DOC2B: variants seen among roughly 807,000 people sequenced by gnomAD.
DOC2B encodes the protein double C2-like domain-containing protein beta.
DOC2B carries 21 observed loss-of-function variants against 28.9 expected under a neutral mutation model. That is an observed-to-expected ratio of 0.73 (90% CI 0.52 to 1.05). The LOEUF (loss-of-function observed/expected upper bound fraction) is 1.05. Among genes scored for constraint, DOC2B ranks in the 50% least tolerant of loss-of-function variants. The probability of loss-of-function intolerance (pLI) is 0.00; values close to 1 mark genes in which losing one functional copy is unlikely to be tolerated. For missense variants in DOC2B, 384 were observed against 421.1 expected (o/e 0.91, Z 0.77); for synonymous variants, 194 against 178.1 (o/e 1.09, Z -0.71).
rs1442078831 is a variant in DOC2B at position 143,818 on chromosome 17, T to C, written c.*3623A>G. ...CAAAACTTGTCTGTGGGACTGCAGT[T>C]TGAGGACAGTGTCTGCAGCCGTCAC... On this transcript the variant is annotated 3_prime_UTR_variant, in exon 9 of 9. Coordinates refer to ENST00000613549, the MANE Select transcript of DOC2B (RefSeq NM_003585.5). The C allele has an allele frequency of 6.6e-6, 1 of 152,042 alleles. No homozygotes were observed. Among genetic ancestry groups the C allele is most frequent in the Non-Finnish European group, 1.5e-5 (1 of 67,988 alleles). 9.4% of individuals were successfully genotyped at this position (152,042 alleles called of 1,614,324 possible). A position where few individuals can be genotyped will look rare whatever the true frequency, so the allele number is the denominator to read the frequency against.
chr17:158,773 A>G (rs1555522879), intron 5 of DOC2B, among the ~76,000 whole-genome samples: 1 of 152,202 alleles, frequency 6.6e-6, no homozygotes, highest in Non-Finnish European at 1.5e-5. Flanking sequence ...GGCCAGGCAC[A>G]GTGACTCATG....
chr17:144,000 C>G lies in DOC2B; in HGVS notation c.*3441G>C. 1 of 150,564 alleles carries G rather than the reference C, an allele frequency of 6.6e-6. No individual in the cohort carries two copies. The highest frequency in any genetic ancestry group is 1.5e-5 in the Non-Finnish European group (1 of 67,504). 9.3% of individuals were successfully genotyped at this position (150,564 alleles called of 1,614,324 possible). On this transcript the variant is annotated 3_prime_UTR_variant, in exon 9 of 9. Transcript: ENST00000613549. ...GGACGGGCCGGGGCGCAGTTCCCCG[C>G]GCTCGCCACTAGAGGTCAGGAGGTG...
chr17:158,935 T>C (rs1395299905), intron 5 of DOC2B, among the ~76,000 whole-genome samples: 2 of 148,926 alleles, frequency 1.3e-5, no homozygotes, highest in African/African-American at 4.9e-5. Context: ...ATCCCAGCTA[T>C]TGGGAGGCTG....
intron 2 of DOC2B, among the ~76,000 whole-genome samples, chr17:169,763 A>G (rs993262089): frequency 4.6e-5 from 7 of 151,776 alleles, no homozygotes; most frequent in Admixed American, 1.3e-4. Context: ...GCCCTCCTTC[A>G]GCTCACCCAC....
intron 7 of DOC2B, among the ~76,000 whole-genome samples, chr17:148,580 T>C (rs909350810): frequency 5.3e-5 from 8 of 152,050 alleles, no homozygotes; most frequent in African/African-American, 1.7e-4. Flanking sequence ...GGGCCTGGCT[T>C]TGCTGACCCC....
intron 2 of DOC2B, among the ~76,000 whole-genome samples, chr17:170,595 T>C (rs2040300740): frequency 6.6e-6 from 1 of 152,118 alleles, no homozygotes; most frequent in African/African-American, 2.4e-5. Flanking sequence ...TACATGGCAC[T>C]ACTAGGGAGA....
chr17:147,142 C>G lies in DOC2B; in HGVS notation c.*299G>C, dbSNP rs2151456629. On this transcript the variant is annotated 3_prime_UTR_variant, in exon 9 of 9. Coordinates refer to ENST00000613549, the MANE Select transcript of DOC2B (RefSeq NM_003585.5). ...AGCCGGGGCTGGCCTCTAGAAGGGT[C>G]TTTGCTCCCAGATGGGCGTGTCCCC... 1 of 304,954 alleles carries G rather than the reference C, an allele frequency of 3.3e-6. No homozygotes were observed. The highest frequency in any genetic ancestry group is 6.0e-6 in the Non-Finnish European group (1 of 166,898). 18.9% of individuals were successfully genotyped at this position (304,954 alleles called of 1,614,324 possible).
intron 2 of DOC2B, among the ~76,000 whole-genome samples, chr17:166,050 G>A (rs1436323871): frequency 6.6e-6 from 1 of 152,146 alleles, no homozygotes; most frequent in Admixed American, 6.5e-5. Context: ...GGGTCGAGGG[G>A]CGCTGTCATG....
chr17:160,201 C>T (rs971671793), intron 5 of DOC2B, among the ~76,000 whole-genome samples: 60 of 152,116 alleles, frequency 3.9e-4, no homozygotes, highest in African/African-American at 1.4e-3. Flanking sequence ...GCCAGGCTCT[C>T]TCGAACTCTT....
rs918488821 is a variant in DOC2B, at chr17:143,979, G to C, written c.*3462C>G. On this transcript the variant is annotated 3_prime_UTR_variant, in exon 9 of 9. Transcript: ENST00000613549. Reference sequence around the variant, plus strand: ...CACGGCCCGGGCTCGGCGGGCGGACGGGCCGGGGCGCAGTTCCCCGCGCTC... The same window carrying C: ...CACGGCCCGGGCTCGGCGGGCGGACCGGCCGGGGCGCAGTTCCCCGCGCTC... The C allele has an allele frequency of 1.3e-5, 2 of 152,236 alleles. No homozygotes were observed. The highest frequency in any genetic ancestry group is 2.9e-5 in the Non-Finnish European group (2 of 67,868). The allele number at this position is 152,236 out of a possible 1,614,324, so 9.4% of individuals were successfully genotyped here. A position where few individuals can be genotyped will look rare whatever the true frequency, so the allele number is the denominator to read the frequency against.
chr17:149,032 C>T (rs2040044930), intron 7 of DOC2B, 79 bp downstream of exon 7: 2 of 397,884 alleles, frequency 5.0e-6, no homozygotes, highest in Admixed American at 4.4e-5. Flanking sequence ...CCCGCCATGA[C>T]CTTTTGAAAA....
chr17:153,609 G>A (rs1555522033), intron 6 of DOC2B, among the ~76,000 whole-genome samples: 1 of 152,016 alleles, frequency 6.6e-6, no homozygotes, highest in Non-Finnish European at 1.5e-5. Context: ...GCTGAGGGAT[G>A]AGAACTGCTT....
At position 161,466 on chromosome 17, in the gene DOC2B, C is replaced by T. The variant is rs952797407; in HGVS notation, c.714G>A (p.Leu238=). The T allele has an allele frequency of 6.4e-7, 1 of 1,551,622 alleles. No homozygotes were observed. Among genetic ancestry groups the T allele is most frequent in the African/African-American group, 1.4e-5 (1 of 73,058 alleles). ...TGAAGGTCTTGGTGTGGTTGGGTTTCAGCTTCTTCAGGGGCACACGTGTCT... is the reference window on the plus strand; with the variant it reads ...TGAAGGTCTTGGTGTGGTTGGGTTTTAGCTTCTTCAGGGGCACACGTGTCT... ...IGETRVPLKK[L]KPNHTKTFSI... Residue 238 remains leucine (L), a synonymous_variant, in exon 5 of 9, where the codon CTG becomes CTA. Coordinates refer to ENST00000613549, the MANE Select transcript of DOC2B (RefSeq NM_003585.5).
intron 1 of DOC2B, among the ~76,000 whole-genome samples, chr17:177,586 A>G (rs2151477398): frequency 6.6e-6 from 1 of 152,134 alleles, no homozygotes; most frequent in South Asian, 2.1e-4. Flanking sequence ...AGAGCTTTCC[A>G]TCTGGGTTCT....
At chr17:165,673 C>G (rs2040255125) in intron 2 of DOC2B, among the ~76,000 whole-genome samples, 1 of 151,974 alleles carries the variant, frequency 6.6e-6, no homozygotes, top group South Asian at 2.1e-4. Flanking sequence ...GAGCTGTGCC[C>G]TGCACTGTGG....
chr17:149,282 C>T, intron 6 of DOC2B, 90 bp from the exon 7 acceptor site: 2 of 398,614 alleles, frequency 5.0e-6, no homozygotes, highest in Non-Finnish European at 8.9e-6. Context: ...CTTTCTGTCC[C>T]TGGAGAGAGA....
chr17:153,794 G>A (rs8069278), intron 6 of DOC2B, among the ~76,000 whole-genome samples: 109,885 of 151,936 alleles, frequency 0.72, 40,820 homozygotes, highest in East Asian at 0.86. Context: ...CAAATCAGAA[G>A]AAAAAACATA....
chr17:175,624 G>C (rs1260905934), intron 1 of DOC2B, among the ~76,000 whole-genome samples: 1 of 152,238 alleles, frequency 6.6e-6, no homozygotes, highest in Non-Finnish European at 1.5e-5. Context: ...GACACACATG[G>C]CTGGTCCATT....
chr17:174,977 C>T (rs963576441), intron 1 of DOC2B, among the ~76,000 whole-genome samples: 5 of 152,148 alleles, frequency 3.3e-5, no homozygotes, highest in African/African-American at 4.8e-5. Flanking sequence ...TGGTGGCTCA[C>T]GCCTATAATC....
Sources: allele counts gnomAD v4.1 joint callset (sites outside exome capture counted in the v4.1 genomes callset), GRCh38; gene constraint gnomAD v4.1.1; transcripts MANE v1.5; gene names NCBI Gene and HGNC (gene_info 2026-07-23, HGNC 2026-07-21).